FHIT: variants seen among roughly 807,000 people sequenced by gnomAD.
The protein encoded by FHIT is fragile histidine triad diadenosine triphosphatase.
Under a neutral mutation model 17.9 loss-of-function variants are expected in FHIT, and 19 were observed. The observed-to-expected ratio is 1.06, with a 90% CI of 0.74 to 1.56. The LOEUF (loss-of-function observed/expected upper bound fraction) is 1.56. Ranked by LOEUF, FHIT falls within the 40% of genes most tolerant of loss-of-function variation. The probability of loss-of-function intolerance (pLI) is 0.00; values close to 1 mark genes in which losing one functional copy is unlikely to be tolerated. For synonymous variants in FHIT, 81 were observed against 69.7 expected, an observed-to-expected ratio of 1.16 and a Z score of -0.81; for missense variants, 248 against 189.2, an observed-to-expected ratio of 1.31 and a Z score of -1.82.
chr3:61,096,600 G>T (rs2035646716), intron 2 of FHIT, among the ~76,000 whole-genome samples: 1 of 152,174 alleles, frequency 6.6e-6, no homozygotes, highest in Admixed American at 6.5e-5. Context: ...CAACTGTCTG[G>T]GTTTCCTGTG....
At chr3:60,535,588 T>TG (rs1256638472) in intron 5 of FHIT, among the ~76,000 whole-genome samples, 1 of 137,766 alleles carries the variant, frequency 7.3e-6, no homozygotes, top group Non-Finnish European at 1.6e-5. Context: ...ATCATTCTAG[T>TG]GTTTTTTTTT....
Position 60,480,956 on chromosome 3 carries a change from G to C in FHIT, c.103+55904C>G, listed in dbSNP as rs2885641. On this transcript the variant is annotated intron_variant, in intron 5 of 9. Transcript: ENST00000492590. ...TGCCCCAGTGGGGACTCTGTGTGGG[G>C]ACTCTGTTTGGGGGTGCCAACCCCA... Among the ~76,000 whole-genome samples, 229 of 152,318 alleles carry C rather than the reference G, an allele frequency of 1.5e-3. 2 individuals are homozygous for C. The highest frequency in any genetic ancestry group is 4.9e-3 in the African/African-American group (202 of 41,586).
rs1703584013 is a variant in FHIT at position 60,860,110 on chromosome 3, A to G, written c.-110-38099T>C. On this transcript the variant is annotated intron_variant, in intron 3 of 9. Coordinates refer to ENST00000492590, the MANE Select transcript of FHIT (RefSeq NM_002012.4). The stretch of plus-strand genomic sequence containing the variant: ...GATATATATATGATATATCTGATAT[A>G]TGATATATAAATGATATATCTGATA... Among the ~76,000 whole-genome samples the G allele has an allele frequency of 2.0e-5, 3 of 147,944 alleles. 1 individual carries two copies. The highest frequency in any genetic ancestry group is 4.3e-4 in the South Asian group (2 of 4,684).
chr3:59,819,526 A>C (rs1304877989), intron 8 of FHIT, among the ~76,000 whole-genome samples: 3 of 152,202 alleles, frequency 2.0e-5, no homozygotes, highest in African/African-American at 7.2e-5. Context: ...TAGAAATAAG[A>C]ATATAACCTC....
intron 5 of FHIT, among the ~76,000 whole-genome samples, chr3:60,435,277 C>T (rs1489251375): frequency 6.6e-6 from 1 of 152,132 alleles, no homozygotes; most frequent in Non-Finnish European, 1.5e-5. Flanking sequence ...GAGCCACCAA[C>T]ATTACTAGGG....
chr3:60,680,269 G>A lies in FHIT; in HGVS notation c.-18+141650C>T, dbSNP rs2040715322. On this transcript the variant is annotated intron_variant, in intron 4 of 9. Coordinates refer to ENST00000492590, the MANE Select transcript of FHIT (RefSeq NM_002012.4). Reference sequence around the variant, plus strand: ...TTGGATAGATGTAAAAAGCTATACTGTGCTGATTTTAGAAGGCATTTCCTG... The same window carrying A: ...TTGGATAGATGTAAAAAGCTATACTATGCTGATTTTAGAAGGCATTTCCTG... Among the ~76,000 whole-genome samples, 3 of 152,234 alleles carry A rather than the reference G, an allele frequency of 2.0e-5. No homozygotes were observed. In the South Asian group the frequency reaches 6.2e-4, roughly 32 times the overall value.
At chr3:60,680,195 C>T (rs1192558442) in intron 4 of FHIT, among the ~76,000 whole-genome samples, 2 of 152,186 alleles carry the variant, frequency 1.3e-5, no homozygotes, top group Non-Finnish European at 2.9e-5. Flanking sequence ...TTTACAACCT[C>T]TCCAACACCT....
intron 2 of FHIT, among the ~76,000 whole-genome samples, chr3:61,110,609 T>A (rs1179323213): frequency 6.6e-6 from 1 of 152,184 alleles, no homozygotes; most frequent in Admixed American, 6.5e-5. Context: ...CATGGTCTGT[T>A]CTACTCATTC....
At chr3:59,807,098 A>G (rs1231268665) in intron 8 of FHIT, among the ~76,000 whole-genome samples, 1 of 152,200 alleles carries the variant, frequency 6.6e-6, no homozygotes, top group Non-Finnish European at 1.5e-5. Context: ...TTGCCTGAGA[A>G]CACACACAGA....
At chr3:59,956,025 C>T (rs778050589) in intron 7 of FHIT, among the ~76,000 whole-genome samples, 1 of 152,186 alleles carries the variant, frequency 6.6e-6, no homozygotes, top group Non-Finnish European at 1.5e-5. Context: ...TCAAACTTCT[C>T]CAGGATCTAC....
At chr3:60,032,921 C>G (rs928308139) in intron 5 of FHIT, among the ~76,000 whole-genome samples, 2 of 152,090 alleles carry the variant, frequency 1.3e-5, no homozygotes, top group Admixed American at 6.5e-5. Context: ...AGCTAACTTA[C>G]TTTACACCAA....
chr3:61,140,511 C>T (rs2037050459), intron 2 of FHIT, among the ~76,000 whole-genome samples: 1 of 152,084 alleles, frequency 6.6e-6, no homozygotes, highest in South Asian at 2.1e-4. Context: ...TGGGTAATCT[C>T]CTTGAGGGCA....
At chr3:60,506,747 C>A (rs1017896990) in intron 5 of FHIT, among the ~76,000 whole-genome samples, 1 of 151,924 alleles carries the variant, frequency 6.6e-6, no homozygotes, top group African/African-American at 2.4e-5. Context: ...CTTCAGCCTG[C>A]GTAAATGGAA....
At chr3:61,056,133 C>T (rs576348726) in intron 2 of FHIT, among the ~76,000 whole-genome samples, 52 of 152,254 alleles carry the variant, frequency 3.4e-4, no homozygotes, top group African/African-American at 1.2e-3. Context: ...TAAAATGAGT[C>T]TTTACCTGTT....
intron 4 of FHIT, among the ~76,000 whole-genome samples, chr3:60,645,491 G>A (rs2039833523): frequency 6.6e-6 from 1 of 152,180 alleles, no homozygotes; most frequent in African/African-American, 2.4e-5. Context: ...TTACAAGATA[G>A]TACACTCTAC....
At chr3:59,813,372 C>T (rs1012490649) in intron 8 of FHIT, among the ~76,000 whole-genome samples, 5 of 152,124 alleles carry the variant, frequency 3.3e-5, no homozygotes, top group Non-Finnish European at 5.9e-5. Flanking sequence ...CGATAAGGTT[C>T]GCCTGAGGAC....
intron 7 of FHIT, among the ~76,000 whole-genome samples, chr3:59,943,873 T>G (rs919976138): frequency 3.9e-5 from 6 of 152,208 alleles, no homozygotes; most frequent in African/African-American, 1.4e-4. Context: ...CACCACTGAC[T>G]GCTACCTGGA....
At chr3:61,040,992 A>T (rs2033482627) in intron 3 of FHIT, among the ~76,000 whole-genome samples, 1 of 152,218 alleles carries the variant, frequency 6.6e-6, no homozygotes, top group African/African-American at 2.4e-5. Flanking sequence ...CTCCCCTAGG[A>T]CATCCCCTCT....
At chr3:60,421,368 A>AAATTTTTG (rs1702459000) in intron 5 of FHIT, among the ~76,000 whole-genome samples, 1 of 152,124 alleles carries the variant, frequency 6.6e-6, no homozygotes, top group Admixed American at 6.6e-5. Flanking sequence ...TTATCGATTG[A>AAATTTTTG]AATTTAGTTC....
Sources: gnomAD v4.1 joint callset for allele counts (sites outside exome capture counted in the v4.1 genomes callset) on GRCh38, gnomAD v4.1.1 for gene constraint, MANE v1.5 for transcripts, NCBI Gene and HGNC (gene_info 2026-07-23, HGNC 2026-07-21) for gene names.